The following FRMD6 variants were observed in gnomAD, a reference collection of about 807,000 sequenced individuals.
FRMD6 encodes the protein FERM domain-containing protein 6.
A neutral mutation model predicts 73.2 loss-of-function variants in FRMD6; 37 were observed. That is an observed-to-expected ratio of 0.51 (90% confidence interval 0.39 to 0.66). FRMD6 has a LOEUF of 0.66. Among genes scored for constraint, FRMD6 ranks in the 30% least tolerant of loss-of-function variants. The pLI, the probability that FRMD6 is intolerant of heterozygous loss-of-function variation, is 0.00. For missense variants in FRMD6, 714 were observed against 780.5 expected, an observed-to-expected ratio of 0.91 and a Z score of 1.02; for synonymous variants, 273 against 282.2, an observed-to-expected ratio of 0.97 and a Z score of 0.33.
intron 1 of FRMD6, among the ~76,000 whole-genome samples, chr14:51,677,589 A>G (rs904861177): frequency 6.6e-6 from 1 of 152,152 alleles, no homozygotes; most frequent in Non-Finnish European, 1.5e-5. Context: ...TTTTGAATAC[A>G]GATGGCTGTG....
At chr14:51,699,347 G>A (rs898848690) in intron 3 of FRMD6, among the ~76,000 whole-genome samples, 6 of 152,154 alleles carry the variant, frequency 3.9e-5, no homozygotes, top group Admixed American at 6.6e-5. Flanking sequence ...GAGTCTGAGA[G>A]CCATAAGAGG....
chr14:51,701,240 CTG>C (rs1396522616), intron 4 of FRMD6, 81 bp downstream of exon 4: 5 of 726,714 alleles, frequency 6.9e-6, no homozygotes, highest in Non-Finnish European at 1.1e-5. Context: ...TAGAAGAAAA[CTG>C]TAAGCAATAC....
At chr14:51,602,323 C>A (rs1003621867) in intron 2 of FRMD6, among the ~76,000 whole-genome samples, 6 of 152,110 alleles carry the variant, frequency 3.9e-5, no homozygotes, top group African/African-American at 9.7e-5. Flanking sequence ...AGAGAATTCT[C>A]ACAATCCTAT....
intron 1 of FRMD6, among the ~76,000 whole-genome samples, chr14:51,664,317 A>G (rs183437211): frequency 1.2e-4 from 18 of 152,352 alleles, no homozygotes; most frequent in Non-Finnish European, 2.6e-4. Flanking sequence ...CATGTGATTA[A>G]GCAATTTTCA....
chr14:51,578,811 A>G (rs886205610), intron 2 of FRMD6, among the ~76,000 whole-genome samples: 1 of 152,214 alleles, frequency 6.6e-6, no homozygotes, highest in Non-Finnish European at 1.5e-5. Context: ...GGAGGTACAT[A>G]TCATGTTCTG....
chr14:51,434,841 C>A, the FRMD6 span, among the ~76,000 whole-genome samples: 1 of 152,132 alleles, frequency 6.6e-6, no homozygotes, highest in Admixed American at 6.5e-5. Flanking sequence ...TTGTGTATTT[C>A]TTGATATGGG....
the FRMD6 span, among the ~76,000 whole-genome samples, chr14:51,411,898 A>G: frequency 9.9e-5 from 15 of 152,212 alleles, no homozygotes; most frequent in African/African-American, 3.4e-4. Context: ...ATTTTTACAC[A>G]TGCTAAAAGG....
intron 1 of FRMD6, among the ~76,000 whole-genome samples, chr14:51,672,245 TC>T (rs1278462258): frequency 6.6e-6 from 1 of 152,224 alleles, no homozygotes; most frequent in Non-Finnish European, 1.5e-5. Flanking sequence ...AATTGTAGCA[TC>T]TGCTTATTAT....
rs575774738 is a variant in FRMD6 at position 51,501,365 on chromosome 14, C to A, written c.-210+11945C>A. Among the ~76,000 whole-genome samples, 44 of 152,238 alleles carry A rather than the reference C, an allele frequency of 2.9e-4. No homozygotes were observed. The East Asian group carries it at 8.3e-3, about 29-fold the overall frequency. On this transcript the variant is annotated intron_variant, in intron 1 of 14. Transcript: ENST00000356218. ...AACTATGCTTCCTGATGCTCTCCCT[C>A]CCCCAACCAACCCCTCCCAACAGGC...
chr14:51,667,603 G>C (rs1319789179), intron 1 of FRMD6, among the ~76,000 whole-genome samples: 1 of 152,182 alleles, frequency 6.6e-6, no homozygotes, highest in African/African-American at 2.4e-5. Context: ...AGCTGCAGTG[G>C]TGCCATTTCT....
In FRMD6 at chr14:51,503,644, A is replaced by G. The variant is rs1883752916; in HGVS notation, c.-210+14224A>G. On this transcript the variant is annotated intron_variant, in intron 1 of 14. Transcript: ENST00000356218. Reference sequence around the variant, plus strand: ...CCAGTATTTTATTGAGGATTTTTGCATTGATGTTCATCAAGGATATTGGGC... The same window carrying G: ...CCAGTATTTTATTGAGGATTTTTGCGTTGATGTTCATCAAGGATATTGGGC... Among the ~76,000 whole-genome samples, 6 of 149,148 alleles carry G rather than the reference A, an allele frequency of 4.0e-5. No individual in the cohort carries two copies. In the South Asian group the frequency reaches 1.3e-3, roughly 32 times the overall value.
chr14:51,603,806 A>G (rs1050419925), intron 2 of FRMD6, among the ~76,000 whole-genome samples: 5 of 152,352 alleles, frequency 3.3e-5, no homozygotes, highest in African/African-American at 1.2e-4. Context: ...AGCATTAAAT[A>G]AAATCATACA....
At chr14:51,580,375 G>C (rs185011940) in intron 2 of FRMD6, among the ~76,000 whole-genome samples, 254 of 152,258 alleles carry the variant, frequency 1.7e-3, no homozygotes, top group African/African-American at 5.9e-3. Flanking sequence ...ACACCTATGA[G>C]CACTCCCTAT....
intron 1 of FRMD6, among the ~76,000 whole-genome samples, chr14:51,510,920 T>G (rs1474141301): frequency 6.6e-6 from 1 of 152,196 alleles, no homozygotes; most frequent in Non-Finnish European, 1.5e-5. Flanking sequence ...TGCTCTGTCT[T>G]TCTTCCTTTC....
chr14:51,685,597 T>A (rs556555731), intron 1 of FRMD6, among the ~76,000 whole-genome samples: 59 of 152,366 alleles, frequency 3.9e-4, no homozygotes, highest in African/African-American at 1.3e-3. Flanking sequence ...TTAAAGATGA[T>A]ACAGTTTATT....
At chr14:51,619,380 GA>G (rs796364037) in intron 2 of FRMD6, among the ~76,000 whole-genome samples, 3,453 of 124,626 alleles carry the variant, frequency 0.028, 48 homozygotes, top group Admixed American at 0.045. Flanking sequence ...GGAGGATAAA[GA>G]AAAAAAAAAA....
rs1947361515 is a variant in FRMD6, at chr14:51,728,085, G to T, written c.*56G>T. ...TTACTGTTTGCTAGAGGATGCGAAA[G>T]TCATAAGTTCTTTACATATTACTTG... On this transcript the variant is annotated 3_prime_UTR_variant, in exon 14 of 14. Coordinates refer to ENST00000344768, the MANE Select transcript of FRMD6 (RefSeq NM_001267046.2). The T allele has an allele frequency of 1.9e-5, 29 of 1,509,654 alleles. No homozygotes were observed. The highest frequency in any genetic ancestry group is 2.3e-5 in the Non-Finnish European group (26 of 1,110,706). 93.5% of individuals were successfully genotyped at this position (1,509,654 alleles called of 1,614,324 possible).
At chr14:51,422,037 T>C in the FRMD6 span, among the ~76,000 whole-genome samples, 7 of 152,330 alleles carry the variant, frequency 4.6e-5, no homozygotes, top group South Asian at 1.5e-3. Flanking sequence ...GTTACTAAGG[T>C]TCCCTGAGGC....
At chr14:51,625,078 A>G (rs1891067133) in intron 2 of FRMD6, among the ~76,000 whole-genome samples, 1 of 152,226 alleles carries the variant, frequency 6.6e-6, no homozygotes, top group Non-Finnish European at 1.5e-5. Context: ...TGGCAAAATT[A>G]TCATAATTTC....
Sources: allele counts gnomAD v4.1 joint callset (sites outside exome capture counted in the v4.1 genomes callset), GRCh38; gene constraint gnomAD v4.1.1; transcripts MANE v1.5; gene names NCBI Gene and HGNC (gene_info 2026-07-23, HGNC 2026-07-21).